The following ARHGEF11 variants were observed in gnomAD, a reference collection of about 807,000 sequenced individuals.
The protein encoded by ARHGEF11 is Rho guanine nucleotide exchange factor 11, also known as Rho guanine exchange factor (GEF) 11.
In ARHGEF11, 55 loss-of-function variants were observed where a neutral mutation model predicts 193.7. That is an observed-to-expected ratio of 0.28 (90% CI 0.23 to 0.36). The LOEUF is 0.36. ARHGEF11 is among the 10% of genes least tolerant of loss of function. ARHGEF11 has a pLI of 1.00. For synonymous variants in ARHGEF11, 693 were observed against 768.0 expected, an observed-to-expected ratio of 0.90 and a Z score of 1.62; for missense variants, 1,723 against 2,005.6, an observed-to-expected ratio of 0.86 and a Z score of 2.69.
chr1:156,976,858 A>T, intron 7 of ARHGEF11, 125 bp downstream of exon 7: 1 of 864,502 alleles, frequency 1.2e-6, no homozygotes, highest in Non-Finnish European at 1.8e-6. Context: ...CGGAAGTTTT[A>T]TTTTTTGAGG....
In ARHGEF11 at chr1:156,978,315, C is replaced by T; in HGVS notation, c.399G>A (p.Gln133=). 6.2e-7 allele frequency: 1 copy of T among 1,614,002 alleles called. No individual in the cohort carries two copies. Among genetic ancestry groups the T allele is most frequent in the Admixed American group, 1.7e-5 (1 of 60,020 alleles). ...GAGCTCCTGCTGGGGATGGGTCCTGCTGGAGCCCAGAGATGCCCATGGATG... is the reference window on the plus strand; with the variant it reads ...GAGCTCCTGCTGGGGATGGGTCCTGTTGGAGCCCAGAGATGCCCATGGATG... ...SPSSMGISGL[Q]QDPSPAGAPR... The change falls in exon 6 of 41, where the codon CAG becomes CAA. Residue 133 remains glutamine, a synonymous_variant. Coordinates refer to ENST00000368194, the MANE Select transcript of ARHGEF11 (RefSeq NM_198236.3).
intron 18 of ARHGEF11, 37 bp from the exon 19 acceptor site, chr1:156,956,601 C>T: frequency 6.2e-7 from 1 of 1,612,248 alleles, no homozygotes; most frequent in Non-Finnish European, 8.5e-7. Flanking sequence ...TCAGAGAGCT[C>T]AAGTTATCTT....
rs1239436363 is a variant in ARHGEF11, at chr1:156,945,089, T to G, written c.2921A>C (p.Glu974Ala). The G allele has an allele frequency of 6.2e-7, 1 of 1,614,234 alleles. No homozygotes were observed. Among genetic ancestry groups the G allele is most frequent in the African/African-American group, 1.3e-5 (1 of 75,062 alleles). Residue 974 changes from glutamate (E) to alanine (A), a missense_variant, in exon 30 of 41, where the codon GAG (glutamate) becomes GCG (alanine). Around this residue, in one of 5 missense-constraint regions of ARHGEF11, gnomAD observed 491 missense variants for 654.5 expected, o/e 0.75. Transcript: ENST00000368194. ...GGCATCCAGGCGTTTCTGGTAGCCCTCTAAACGGTGGCGGTTCTCTGTTTG... is the reference window on the plus strand; with the variant it reads ...GGCATCCAGGCGTTTCTGGTAGCCCGCTAAACGGTGGCGGTTCTCTGTTTG... The part of the protein sequence containing the change: ...VKQTENRHRL[E>A]GYQKRLDATA...
chr1:157,032,082 T>A (rs1200234882), intron 1 of ARHGEF11, among the ~76,000 whole-genome samples: 3 of 152,266 alleles, frequency 2.0e-5, no homozygotes, highest in African/African-American at 7.2e-5. Context: ...ATGACTCTTC[T>A]GGGCTTTAAT....
At chr1:156,987,019 C>T (rs1665029817) in intron 1 of ARHGEF11, among the ~76,000 whole-genome samples, 1 of 152,220 alleles carries the variant, frequency 6.6e-6, no homozygotes, top group South Asian at 2.1e-4. Flanking sequence ...AAGTGGTACA[C>T]ATCACCAAAC....
chr1:156,949,073 T>TA, intron 22 of ARHGEF11: 1 of 985,432 alleles, frequency 1.0e-6, no homozygotes, highest in Non-Finnish European at 1.2e-6. Flanking sequence ...GCTGCTGGAT[T>TA]CTTAGCCTTC....
rs138875454 is a variant in ARHGEF11, at chr1:157,005,551, G to T, written c.33-19378C>A. On this transcript the variant is annotated intron_variant, in intron 1 of 40. Transcript: ENST00000368194. ...AATTCTGGTTGACAGAGCAGACTGAGAAATGCCCCCAAACAGTTCTGGTAC... is the reference window on the plus strand; with the variant it reads ...AATTCTGGTTGACAGAGCAGACTGATAAATGCCCCCAAACAGTTCTGGTAC... Among the ~76,000 whole-genome samples the T allele has an allele frequency of 1.4e-3, 217 of 152,298 alleles. 1 individual carries two copies. Among genetic ancestry groups the T allele is most frequent in the African/African-American group, 4.8e-3 (199 of 41,560 alleles).
intron 1 of ARHGEF11, among the ~76,000 whole-genome samples, chr1:157,023,457 C>T (rs1670236094): frequency 6.6e-6 from 1 of 152,130 alleles, no homozygotes; most frequent in African/African-American, 2.4e-5. Context: ...TGCCCACTGT[C>T]CAGCTATAAT....
At chr1:157,006,773 G>A (rs921979088) in intron 1 of ARHGEF11, among the ~76,000 whole-genome samples, 1 of 152,178 alleles carries the variant, frequency 6.6e-6, no homozygotes, top group South Asian at 2.1e-4. Context: ...AACCTTTAAC[G>A]ATTTGACTGG....
At chr1:157,028,332 G>A (rs1421567705) in intron 1 of ARHGEF11, among the ~76,000 whole-genome samples, 1 of 152,162 alleles carries the variant, frequency 6.6e-6, no homozygotes, top group African/African-American at 2.4e-5. Context: ...CAGGTATTTT[G>A]CTAAGCACTT....
Position 156,968,051 on chromosome 1 carries a change from G to C in ARHGEF11, c.899C>G (p.Ala300Gly). The change falls in exon 11 of 41, where the codon GCC becomes GGC. Residue 300 changes from alanine (A) to glycine (G), a missense_variant. Around this residue, in one of 5 missense-constraint regions of ARHGEF11, gnomAD observed 646 missense variants for 710.7 expected, o/e 0.91. Coordinates refer to ENST00000368194, the MANE Select transcript of ARHGEF11 (RefSeq NM_198236.3). ...CCGCCTGTGGTGCTGGGCCACCCTG[G>C]CCATGATCACAGGGGAGGTTCGAGG... ...DSPRTSPVIM[A>G]RVAQHHRRQG... 1.2e-6 allele frequency: 2 copies of C among 1,614,212 alleles called. No individual in the cohort carries two copies. The highest frequency in any genetic ancestry group is 1.3e-5 in the African/African-American group (1 of 75,066).
At position 156,941,423 on chromosome 1, in the gene ARHGEF11, C is replaced by T; in HGVS notation, c.3463G>A (p.Asp1155Asn). ...TCACCATGGAACACGTCTGAGTCAT[C>T]CAGTTCTACCCTGAGGAAGGAAACC... Reference protein sequence around the residue: ...QGPTPSRVELDDSDVFHGEPE... With the variant: ...QGPTPSRVELNDSDVFHGEPE... The change falls in exon 35 of 41, where the codon GAT becomes AAT. Residue 1155 changes from aspartate (D) to asparagine (N), a missense_variant. This residue lies in a region of ARHGEF11 where 203 missense variants were observed against 237.3 expected (regional missense o/e 0.86). Transcript: ENST00000368194. 1 of 1,613,678 alleles carries T rather than the reference C, an allele frequency of 6.2e-7. No individual in the cohort carries two copies.
intron 39 of ARHGEF11, 91 bp downstream of exon 39, chr1:156,937,158 G>A (rs1255184818): frequency 5.0e-6 from 8 of 1,586,658 alleles, no homozygotes; most frequent in Non-Finnish European, 6.9e-6. Context: ...AGGATCTAGG[G>A]CTCCCGCGAA....
At chr1:157,038,247 C>T (rs928889949) in intron 1 of ARHGEF11, among the ~76,000 whole-genome samples, 7 of 141,810 alleles carry the variant, frequency 4.9e-5, no homozygotes, top group African/African-American at 1.9e-4. Flanking sequence ...GATCCCATCA[C>T]ACCACTTTGT....
chr1:156,991,383 A>G (rs969062883), intron 1 of ARHGEF11, among the ~76,000 whole-genome samples: 1 of 152,120 alleles, frequency 6.6e-6, no homozygotes, highest in Non-Finnish European at 1.5e-5. Context: ...GCAGTGGCAC[A>G]ATTACAGCTC....
In ARHGEF11 at chr1:157,035,818, AG is replaced by A. The variant is rs1557990335; in HGVS notation, c.32+8480del. ...AATATATATACAGGAATATATATAT[AG>A]GAATATATATATGGAATATATATAT... On this transcript the variant is annotated intron_variant, in intron 1 of 40. Coordinates refer to ENST00000368194, the MANE Select transcript of ARHGEF11 (RefSeq NM_198236.3). 1.7e-3 allele frequency among the ~76,000 whole-genome samples: 147 copies of A among 84,908 alleles called. 14 individuals carry two copies. The East Asian group carries it at 0.029, about 17-fold the overall frequency. 55.7% of individuals were successfully genotyped at this position (84,908 alleles called of 152,430 possible).
intron 1 of ARHGEF11, among the ~76,000 whole-genome samples, chr1:157,001,298 T>C (rs1026908108): frequency 6.6e-5 from 10 of 152,196 alleles, no homozygotes; most frequent in Admixed American, 5.9e-4. Flanking sequence ...ACCCATAGAC[T>C]GAGCTCTACA....
rs1037904234 is a variant in ARHGEF11 at position 156,951,814 on chromosome 1, A to T, written c.1799-115T>A. Reference sequence around the variant, plus strand: ...GCAATGAGCAAGCGTGGATGAGAACAGCACTGGACCAAGAGTCAGGAGATG... The same window carrying T: ...GCAATGAGCAAGCGTGGATGAGAACTGCACTGGACCAAGAGTCAGGAGATG... On this transcript the variant is annotated intron_variant, in intron 21 of 40. Coordinates refer to ENST00000368194, the MANE Select transcript of ARHGEF11 (RefSeq NM_198236.3). 12 of 1,345,638 alleles carry T rather than the reference A, an allele frequency of 8.9e-6. No individual in the cohort carries two copies. In the Admixed American group the frequency reaches 2.3e-4, roughly 25 times the overall value. 83.4% of individuals were successfully genotyped at this position (1,345,638 alleles called of 1,614,324 possible).
Position 157,011,856 on chromosome 1 carries a change from T to C in ARHGEF11, c.33-25683A>G, listed in dbSNP as rs6680695. On this transcript the variant is annotated intron_variant, in intron 1 of 40. Transcript: ENST00000368194. ...AAGTGTTGGTGAGGATGTGGAGAAA[T>C]GAGAAGCTTAATACATTGCTGGTGG... Among the ~76,000 whole-genome samples, 401 of 152,208 alleles carry C rather than the reference T, an allele frequency of 2.6e-3. 3 individuals are homozygous for C. Among genetic ancestry groups the C allele is most frequent in the African/African-American group, 9.2e-3 (382 of 41,546 alleles).
Sources: gnomAD v4.1 joint callset for allele counts (sites outside exome capture counted in the v4.1 genomes callset) on GRCh38, gnomAD v4.1.1 for gene constraint, gnomAD v4.1.1 regional missense constraint, MANE v1.5 for transcripts, NCBI Gene and HGNC (gene_info 2026-07-23, HGNC 2026-07-21) for gene names.